The following DACH2 variants were observed in gnomAD, a reference collection of about 807,000 sequenced individuals.
The protein encoded by DACH2 is dachshund family transcription factor 2, also known as dachshund homolog 2.
Under a neutral mutation model 35.8 loss-of-function variants are expected in DACH2, and 17 were observed. The ratio of observed to expected loss-of-function variants is 0.48; its 90% CI spans 0.33 to 0.71. The LOEUF (loss-of-function observed/expected upper bound fraction) is 0.71, where lower values mean the gene tolerates loss of function less well. Among genes scored for constraint, DACH2 ranks in the 30% least tolerant of loss-of-function variants. The probability of loss-of-function intolerance (pLI) is 0.02; values close to 1 mark genes in which losing one functional copy is unlikely to be tolerated. For missense variants in DACH2, 469 were observed against 472.7 expected (o/e 0.99, Z 0.07); for synonymous variants, 195 against 177.3 (o/e 1.10, Z -0.79).
chrX:86,762,275 A>C (rs922006566), intron 7 of DACH2, among the ~76,000 whole-genome samples: 1 of 111,524 alleles, frequency 9.0e-6, no homozygotes, highest in Non-Finnish European at 1.9e-5. Context: ...TATTCCCTAA[A>C]AAATCACTTA....
intron 1 of DACH2, among the ~76,000 whole-genome samples, chrX:86,321,295 A>G (rs751283280): frequency 2.1e-4 from 24 of 111,779 alleles, no homozygotes; most frequent in Admixed American, 1.6e-3. Context: ...ACTAGAAAGA[A>G]TTTTAAAAAG....
intron 2 of DACH2, among the ~76,000 whole-genome samples, chrX:86,441,867 G>GTA (rs1386061925): frequency 1.4e-4 from 13 of 94,880 alleles, no homozygotes; most frequent in African/African-American, 5.5e-4. Flanking sequence ...GTGTGTGTGT[G>GTA]TGTATATATA....
chrX:86,725,975 T>A (rs182377078), intron 6 of DACH2, among the ~76,000 whole-genome samples: 2 of 110,257 alleles, frequency 1.8e-5, no homozygotes, highest in Non-Finnish European at 3.8e-5. Flanking sequence ...CATGCTTGAG[T>A]GTTGGGGATA....
chrX:86,704,852 AAC>A (rs2041191957), intron 5 of DACH2, among the ~76,000 whole-genome samples: 1 of 110,426 alleles, frequency 9.1e-6, no homozygotes, highest in Non-Finnish European at 1.9e-5. Context: ...TTCCTTAAAG[AAC>A]TAAAAGTAGA....
At chrX:86,625,832 T>C (rs2040130428) in intron 3 of DACH2, among the ~76,000 whole-genome samples, 1 of 111,069 alleles carries the variant, frequency 9.0e-6, no homozygotes. Flanking sequence ...CCCCACCCCA[T>C]TGATTCAATT....
At chrX:86,466,761 T>G (rs759060559) in intron 2 of DACH2, among the ~76,000 whole-genome samples, 70 of 111,408 alleles carry the variant, frequency 6.3e-4, no homozygotes, top group Non-Finnish European at 1.2e-3. Context: ...ATTCTTGACT[T>G]CTGTGCACTC....
At chrX:86,439,269 T>C (rs1211756023) in intron 2 of DACH2, among the ~76,000 whole-genome samples, 1 of 112,082 alleles carries the variant, frequency 8.9e-6, no homozygotes, top group Non-Finnish European at 1.9e-5. Flanking sequence ...ACTATCGAGT[T>C]GTTTGAGTTC....
chrX:86,740,935 A>G (rs960357698), intron 7 of DACH2, among the ~76,000 whole-genome samples: 2 of 111,495 alleles, frequency 1.8e-5, no homozygotes, highest in African/African-American at 6.5e-5. Context: ...CGACAGGTAC[A>G]TTCAGCTGTA....
chrX:86,501,269 A>C (rs971973404), intron 2 of DACH2, among the ~76,000 whole-genome samples: 12 of 112,152 alleles, frequency 1.1e-4, no homozygotes, highest in African/African-American at 3.9e-4. Flanking sequence ...TAATGTGTGC[A>C]GTTTTGAAGA....
chrX:86,288,804 G>A (rs924688911), intron 1 of DACH2, among the ~76,000 whole-genome samples: 2 of 112,055 alleles, frequency 1.8e-5, no homozygotes, highest in African/African-American at 3.2e-5. Context: ...CTTGCCCAAG[G>A]CAGGTACAGA....
At chrX:86,432,701 C>T (rs1293725262) in intron 2 of DACH2, among the ~76,000 whole-genome samples, 2 of 111,826 alleles carry the variant, frequency 1.8e-5, no homozygotes, top group Non-Finnish European at 3.8e-5. Context: ...TTGACTCCAG[C>T]CTGTGGATTT....
intron 11 of DACH2, among the ~76,000 whole-genome samples, chrX:86,820,823 T>C (rs2147361256): frequency 9.0e-6 from 1 of 110,526 alleles, no homozygotes; most frequent in East Asian, 2.8e-4. Flanking sequence ...TTAGACCTCC[T>C]TATTATCTTT....
chrX:86,635,287 T>C (rs983344191), intron 3 of DACH2, among the ~76,000 whole-genome samples: 24 of 101,895 alleles, frequency 2.4e-4, no homozygotes, highest in Non-Finnish European at 4.7e-4. Context: ...TCTCAATAGA[T>C]GCAGAAAAGG....
intron 1 of DACH2, among the ~76,000 whole-genome samples, chrX:86,318,064 C>T (rs1450949243): frequency 6.2e-5 from 7 of 112,211 alleles, no homozygotes; most frequent in Admixed American, 1.9e-4. Flanking sequence ...TGCACTGATG[C>T]AAACAACTAT....
chrX:86,706,250 C>T (rs1030299239), intron 5 of DACH2, among the ~76,000 whole-genome samples: 37 of 110,524 alleles, frequency 3.3e-4, no homozygotes, highest in Admixed American at 1.2e-3. Flanking sequence ...TATTAAAATA[C>T]GAAAAATAAC....
chrX:86,737,709 A>C (rs747906479), intron 6 of DACH2, among the ~76,000 whole-genome samples: 1 of 111,574 alleles, frequency 9.0e-6, no homozygotes, highest in Non-Finnish European at 1.9e-5. Flanking sequence ...ATTTCTTTCT[A>C]TAGGCTCCAG....
At chrX:86,382,461 T>TAC (rs55825336) in intron 2 of DACH2, among the ~76,000 whole-genome samples, 3,497 of 94,491 alleles carry the variant, frequency 0.037, 122 homozygotes, top group African/African-American at 0.092. Context: ...GCTACATTCA[T>TAC]ACACACACAC....
chrX:86,313,238 T>C (rs1602392546), intron 1 of DACH2, among the ~76,000 whole-genome samples: 1 of 111,766 alleles, frequency 8.9e-6, no homozygotes, highest in Admixed American at 9.6e-5. Context: ...AGCTGAAATG[T>C]AATATGCAAT....
intron 6 of DACH2, among the ~76,000 whole-genome samples, chrX:86,723,918 A>G (rs961927447): frequency 4.5e-5 from 5 of 110,686 alleles, no homozygotes; most frequent in African/African-American, 1.6e-4. Context: ...AGTCTGTTGT[A>G]TCTGATATAA....
Sources: gnomAD v4.1 joint callset for allele counts (sites outside exome capture counted in the v4.1 genomes callset) on GRCh38, gnomAD v4.1.1 for gene constraint, MANE v1.5 for transcripts, NCBI Gene and HGNC (gene_info 2026-07-23, HGNC 2026-07-21) for gene names.